ATP2B2: variants seen among roughly 807,000 people sequenced by gnomAD.
The protein encoded by ATP2B2 is plasma membrane calcium-transporting ATPase 2.
A neutral mutation model predicts 120.0 loss-of-function variants in ATP2B2; 15 were observed. The ratio of observed to expected loss-of-function variants is 0.12; its 90% CI spans 0.08 to 0.19. ATP2B2 has a LOEUF of 0.19. Ranked by LOEUF, ATP2B2 falls within the 10% of genes least tolerant of loss-of-function variation. ATP2B2 has a pLI of 1.00. For missense variants in ATP2B2, 1,045 were observed against 1,719.8 expected (o/e 0.61, Z 6.94); for synonymous variants, 694 against 700.3 (o/e 0.99, Z 0.14).
rs1237048445 is a variant in ATP2B2 at position 10,342,684 on chromosome 3, G to A, written c.2917+68C>T. On this transcript the variant is annotated intron_variant, in intron 19 of 22. Transcript: ENST00000360273. The surrounding 1 kb of genome is among the most constrained non-coding windows in gnomAD (Gnocchi z 4.4). ...GGGTTGTGACTCGAGAATGCTGGGT[G>A]AGAGCCATGGTGCACCCAGAAGGTG... is the stretch of plus-strand genomic sequence containing the variant. The A allele has an allele frequency of 2.6e-6, 4 of 1,557,690 alleles. No individual in the cohort carries two copies. Among genetic ancestry groups the A allele is most frequent in the Non-Finnish European group, 3.5e-6 (4 of 1,131,840 alleles).
chr3:10,460,842 A>G (rs1003689080), intron 1 of ATP2B2, among the ~76,000 whole-genome samples: 1 of 152,164 alleles, frequency 6.6e-6, no homozygotes, highest in Non-Finnish European at 1.5e-5. Flanking sequence ...AACTGGGAGC[A>G]TATTTAAGTG....
rs71055831 is a variant in ATP2B2 at position 10,683,760 on chromosome 3, GTATATATATATATATATATA to G, written c.-460+24135_-460+24154del. ...TATGTGTATATATATGTGTGTGTGTGTATATATATATATATATATATATATATATATATATATATATATAT... is the reference window on the plus strand; with the variant it reads ...TATGTGTATATATATGTGTGTGTGTGTATATATATATATATATATATATAT... On this transcript the variant is annotated intron_variant, in intron 1 of 21. Transcript: ENST00000646379. Among the ~76,000 whole-genome samples, 150 of 53,900 alleles carry G rather than the reference GTATATATATATATATATATA, an allele frequency of 2.8e-3. 7 individuals are homozygous for G. Among genetic ancestry groups the G allele is most frequent in the African/African-American group, 6.3e-3 (112 of 17,786 alleles). The allele number at this position is 53,900 out of a possible 152,430, so 35.4% of individuals were successfully genotyped here. A position where few individuals can be genotyped will look rare whatever the true frequency, so the allele number is the denominator to read the frequency against.
chr3:10,516,687 G>C (rs986458499), intron 3 of ATP2B2, among the ~76,000 whole-genome samples: 1 of 152,212 alleles, frequency 6.6e-6, no homozygotes, highest in African/African-American at 2.4e-5. Context: ...GCGTGGCACT[G>C]GACAAGTTAC....
chr3:10,552,827 C>T (rs951092994), intron 2 of ATP2B2, among the ~76,000 whole-genome samples: 4 of 152,364 alleles, frequency 2.6e-5, no homozygotes, highest in African/African-American at 9.6e-5. Flanking sequence ...AGTGCAACTG[C>T]TGAGGCCACA....
At chr3:10,381,094 G>C (rs1006272870) in intron 8 of ATP2B2, among the ~76,000 whole-genome samples, 1 of 152,160 alleles carries the variant, frequency 6.6e-6, no homozygotes, top group Admixed American at 6.5e-5. Context: ...CCACTTTCTG[G>C]GTGACTCAGA....
chr3:10,366,701 G>C (rs759359687), intron 12 of ATP2B2, among the ~76,000 whole-genome samples: 2 of 152,280 alleles, frequency 1.3e-5, no homozygotes, highest in East Asian at 1.9e-4. Context: ...CCAAGGAAGC[G>C]TGGTGCCTCC....
chr3:10,544,832 C>T (rs977807918), intron 2 of ATP2B2, among the ~76,000 whole-genome samples: 11 of 152,232 alleles, frequency 7.2e-5, no homozygotes, highest in African/African-American at 2.7e-4. Flanking sequence ...AGACACTTCA[C>T]TTCAAGCTAT....
chr3:10,659,524 C>T lies in ATP2B2; in HGVS notation c.-459-39563G>A, dbSNP rs1351431771. ...GGCCATTACATAATGGTAAAGGGAT[C>T]AATTCAACAAGAAGAGCTAACTATC... is the stretch of plus-strand genomic sequence containing the variant. On this transcript the variant is annotated intron_variant, in intron 1 of 21. Coordinates refer to the ATP2B2 transcript ENST00000646379. 1.4e-4 allele frequency among the ~76,000 whole-genome samples: 21 copies of T among 152,260 alleles called. No individual in the cohort carries two copies. In the East Asian group the frequency reaches 3.9e-3, roughly 28 times the overall value.
chr3:10,615,325 G>A (rs1469954286), intron 2 of ATP2B2, among the ~76,000 whole-genome samples: 1 of 152,210 alleles, frequency 6.6e-6, no homozygotes. Flanking sequence ...GGCAAGACAT[G>A]GTGGTGACCT....
Position 10,501,839 on chromosome 3 carries a change from T to C in ATP2B2, c.-320+3626A>G, listed in dbSNP as rs149718197. On this transcript the variant is annotated intron_variant, in intron 1 of 22. Coordinates refer to ENST00000360273, the MANE Select transcript of ATP2B2 (RefSeq NM_001001331.4). Reference sequence around the variant, plus strand: ...CCACCCCCAGCTCTGAGCGCCTATGTGCTCCACCAAGCCCACTCTTAAGCA... The same window carrying C: ...CCACCCCCAGCTCTGAGCGCCTATGCGCTCCACCAAGCCCACTCTTAAGCA... Among the ~76,000 whole-genome samples the C allele has an allele frequency of 5.6e-3, 849 of 152,278 alleles. 4 individuals carry two copies. Among genetic ancestry groups the C allele is most frequent in the Non-Finnish European group, 9.1e-3 (617 of 68,018 alleles).
chr3:10,642,338 T>C (rs2070195979), intron 1 of ATP2B2, among the ~76,000 whole-genome samples: 1 of 152,152 alleles, frequency 6.6e-6, no homozygotes, highest in African/African-American at 2.4e-5. Context: ...ACTTGGCCAT[T>C]AGTGTTGACC....
At chr3:10,349,564 G>T (rs2060519464) in intron 16 of ATP2B2, among the ~76,000 whole-genome samples, 1 of 152,148 alleles carries the variant, frequency 6.6e-6, no homozygotes, top group Admixed American at 6.5e-5. Flanking sequence ...TTGGCTTTTG[G>T]TCTCATCCCT....
At chr3:10,623,052 CTCTT>C (rs2069594457) in intron 1 of ATP2B2, among the ~76,000 whole-genome samples, 1 of 109,742 alleles carries the variant, frequency 9.1e-6, no homozygotes, top group Non-Finnish European at 1.9e-5. Context: ...CCTTGGTCAG[CTCTT>C]TTTTTTTTTT....
At chr3:10,355,475 T>C (rs1393845453) in intron 14 of ATP2B2, among the ~76,000 whole-genome samples, 4 of 152,102 alleles carry the variant, frequency 2.6e-5, no homozygotes, top group African/African-American at 9.7e-5. Context: ...AGTCTTCCAG[T>C]CAACTATCGC....
At chr3:10,587,130 C>CA (rs201397301) in intron 2 of ATP2B2, among the ~76,000 whole-genome samples, 3,744 of 151,924 alleles carry the variant, frequency 0.025, 70 homozygotes, top group Admixed American at 0.043. Context: ...CCCATAGCTA[C>CA]AAAAAAACAA....
intron 1 of ATP2B2, among the ~76,000 whole-genome samples, chr3:10,491,624 C>T (rs138125606): frequency 5.8e-4 from 89 of 152,328 alleles, no homozygotes; most frequent in African/African-American, 2.0e-3. Context: ...ACACGGGCTT[C>T]TGCCACTTCT....
At chr3:10,387,421 C>T (rs2061712302) in intron 6 of ATP2B2, among the ~76,000 whole-genome samples, 1 of 152,234 alleles carries the variant, frequency 6.6e-6, no homozygotes, top group Non-Finnish European at 1.5e-5. Flanking sequence ...TCTGTCCTCT[C>T]ATCTCCCTTC....
intron 2 of ATP2B2, among the ~76,000 whole-genome samples, chr3:10,562,878 A>G (rs1389304211): frequency 3.9e-5 from 6 of 152,198 alleles, no homozygotes; most frequent in African/African-American, 1.4e-4. Flanking sequence ...GTGTGTTGCA[A>G]TTATGTATGT....
chr3:10,410,553 G>C, intron 3 of ATP2B2, 65 bp downstream of exon 3: 1 of 1,498,770 alleles, frequency 6.7e-7, no homozygotes, highest in African/African-American at 1.4e-5. Flanking sequence ...AGCCGTGAGT[G>C]CCCCCCAGCG....
Sources: allele counts gnomAD v4.1 joint callset (sites outside exome capture counted in the v4.1 genomes callset), GRCh38; gene constraint gnomAD v4.1.1; non-coding constraint Gnocchi (gnomAD v3.1); transcripts MANE v1.5; gene names NCBI Gene and HGNC (gene_info 2026-07-23, HGNC 2026-07-21).